The following KLF12 variants were observed in gnomAD, a reference collection of about 807,000 sequenced individuals.
KLF12 encodes Krueppel-like factor 12.
A neutral mutation model predicts 37.8 loss-of-function variants in KLF12; 9 were observed. The ratio of observed to expected loss-of-function variants is 0.24; its 90% CI spans 0.14 to 0.42. The LOEUF is 0.42. Ranked by LOEUF, KLF12 falls within the 10% of genes least tolerant of loss-of-function variation. The probability of loss-of-function intolerance (pLI) is 1.00; values close to 1 mark genes in which losing one functional copy is unlikely to be tolerated. For missense variants in KLF12, 411 were observed against 516.0 expected (o/e 0.80, Z 1.97); for synonymous variants, 208 against 202.1 (o/e 1.03, Z -0.25).
chr13:74,063,247 T>C (rs1873715215), intron 1 of KLF12, among the ~76,000 whole-genome samples: 1 of 152,180 alleles, frequency 6.6e-6, no homozygotes, highest in African/African-American at 2.4e-5. Context: ...TATGAATACT[T>C]AGTTTCATTT....
the KLF12 span, among the ~76,000 whole-genome samples, chr13:74,183,171 C>G: frequency 6.6e-6 from 1 of 152,146 alleles, no homozygotes; most frequent in African/African-American, 2.4e-5. Context: ...TGTACCTACT[C>G]TTTGCTTGGT....
intron 6 of KLF12, among the ~76,000 whole-genome samples, chr13:73,743,126 C>A (rs1792031412): frequency 6.6e-6 from 1 of 152,068 alleles, no homozygotes; most frequent in Admixed American, 6.5e-5. Context: ...CAAGAGTTGC[C>A]GCAAAGGCAG....
Position 74,092,072 on chromosome 13 carries a change from G to A in KLF12, c.-32+41667C>T, listed in dbSNP as rs539496130. Reference sequence around the variant, plus strand: ...TGGGAGGCTGAGGCGGGCAGATCACGAGGTCAAGAGATCGAGACCATCCTG... The same window carrying A: ...TGGGAGGCTGAGGCGGGCAGATCACAAGGTCAAGAGATCGAGACCATCCTG... On this transcript the variant is annotated intron_variant, in intron 1 of 7. Transcript: ENST00000377669. 7.4e-5 allele frequency among the ~76,000 whole-genome samples: 11 copies of A among 148,520 alleles called. 1 individual carries two copies. Among genetic ancestry groups the A allele is most frequent in the African/African-American group, 7.4e-5 (3 of 40,516 alleles).
At chr13:73,928,349 T>C (rs1889503834) in intron 3 of KLF12, among the ~76,000 whole-genome samples, 1 of 152,228 alleles carries the variant, frequency 6.6e-6, no homozygotes, top group Non-Finnish European at 1.5e-5. Context: ...AAGCAAGTGA[T>C]CATTATGTTT....
intron 5 of KLF12, among the ~76,000 whole-genome samples, chr13:73,779,365 A>G (rs1880821441): frequency 6.6e-6 from 1 of 152,180 alleles, no homozygotes. Context: ...CCAGTGGCCA[A>G]TGATTTGATC....
chr13:74,243,982 A>C, the KLF12 span, among the ~76,000 whole-genome samples: 1 of 152,210 alleles, frequency 6.6e-6, no homozygotes, highest in South Asian at 2.1e-4. Context: ...GGGGTTAGAA[A>C]AACTGAATTT....
intron 5 of KLF12, among the ~76,000 whole-genome samples, chr13:73,784,692 A>G (rs745371439): frequency 2.7e-5 from 4 of 145,478 alleles, no homozygotes; most frequent in Non-Finnish European, 6.0e-5. Context: ...GTGCAGTGGC[A>G]CGATCTAGGC....
At chr13:73,881,441 C>G (rs1886974495) in intron 3 of KLF12, among the ~76,000 whole-genome samples, 1 of 152,030 alleles carries the variant, frequency 6.6e-6, no homozygotes, top group Non-Finnish European at 1.5e-5. Context: ...AGTCAAAGAT[C>G]TGCTAACTTA....
the KLF12 span, among the ~76,000 whole-genome samples, chr13:74,198,968 C>A: frequency 6.6e-6 from 1 of 152,112 alleles, no homozygotes; most frequent in African/African-American, 2.4e-5. Context: ...GGTGGCTTAA[C>A]CAGAGCTGGA....
intron 1 of KLF12, among the ~76,000 whole-genome samples, chr13:74,127,893 T>C (rs1057479498): frequency 2.0e-5 from 3 of 152,204 alleles, no homozygotes; most frequent in Non-Finnish European, 4.4e-5. Flanking sequence ...AACTGGGGAT[T>C]TGCAGTTCAA....
At chr13:74,014,215 A>G (rs1317752925) in intron 1 of KLF12, among the ~76,000 whole-genome samples, 3 of 152,206 alleles carry the variant, frequency 2.0e-5, no homozygotes, top group Non-Finnish European at 4.4e-5. Context: ...AGGGCCCTGG[A>G]ACACTGTATT....
At chr13:73,757,345 A>G (rs765957615) in intron 6 of KLF12, among the ~76,000 whole-genome samples, 2 of 152,146 alleles carry the variant, frequency 1.3e-5, no homozygotes, top group African/African-American at 4.8e-5. Context: ...GTTGCACGCT[A>G]TCTATTGCTC....
chr13:74,153,949 C>T, the KLF12 span, among the ~76,000 whole-genome samples: 11 of 152,102 alleles, frequency 7.2e-5, no homozygotes, highest in Non-Finnish European at 7.4e-5. Flanking sequence ...TTTATTCGGA[C>T]GGGTGTGGTG....
At chr13:74,151,194 G>T in the KLF12 span, among the ~76,000 whole-genome samples, 1 of 152,138 alleles carries the variant, frequency 6.6e-6, no homozygotes, top group Non-Finnish European at 1.5e-5. Flanking sequence ...GGACTGAAGA[G>T]TAATAGTTTT....
chr13:73,804,665 C>T (rs1248390021), intron 5 of KLF12, among the ~76,000 whole-genome samples: 1 of 152,048 alleles, frequency 6.6e-6, no homozygotes. Context: ...TTCTGACCTC[C>T]TTCAAAAAAG....
At chr13:74,276,566 TAA>T in the KLF12 span, among the ~76,000 whole-genome samples, 3 of 152,248 alleles carry the variant, frequency 2.0e-5, no homozygotes, top group Admixed American at 6.5e-5. Context: ...TCTTATTTTA[TAA>T]GTTTATTCTG....
At chr13:73,730,312 G>C (rs1020554544) in intron 6 of KLF12, among the ~76,000 whole-genome samples, 5 of 152,248 alleles carry the variant, frequency 3.3e-5, no homozygotes, top group African/African-American at 1.2e-4. Context: ...CGCAAAAGAA[G>C]AACAACAGCT....
At position 73,810,169 on chromosome 13, in the gene KLF12, T is replaced by C. The variant is rs1882850857; in HGVS notation, c.806+2983A>G. ...CTGAGGCAGGAGAATCACTTGAACC[T>C]GGGAAGCAGAGGTTGTAGTGATCTG... On this transcript the variant is annotated intron_variant, in intron 5 of 7. Transcript: ENST00000377669. 2.6e-5 allele frequency among the ~76,000 whole-genome samples: 4 copies of C among 151,930 alleles called. No individual in the cohort carries two copies. The South Asian group carries it at 8.3e-4, about 32-fold the overall frequency.
chr13:73,979,354 AACACACACACAC>A lies in KLF12; in HGVS notation c.33+15624_33+15635del, dbSNP rs71115629. On this transcript the variant is annotated intron_variant, in intron 2 of 7. Coordinates refer to ENST00000377669, the MANE Select transcript of KLF12 (RefSeq NM_007249.5). ...TTCTTTTAAAAACAGTCTGCTTTTA[AACACACACACAC>A]ACACACACACACACACACACACACA... Among the ~76,000 whole-genome samples, 186 of 139,702 alleles carry A rather than the reference AACACACACACAC, an allele frequency of 1.3e-3. 2 individuals are homozygous for A. The highest frequency in any genetic ancestry group is 3.7e-3 in the African/African-American group (136 of 36,908). 91.6% of individuals were successfully genotyped at this position (139,702 alleles called of 152,430 possible).
Sources: gnomAD v4.1 joint callset for allele counts (sites outside exome capture counted in the v4.1 genomes callset) on GRCh38, gnomAD v4.1.1 for gene constraint, MANE v1.5 for transcripts, NCBI Gene and HGNC (gene_info 2026-07-23, HGNC 2026-07-21) for gene names.